The following RARS2 variants were observed in gnomAD, a reference collection of about 807,000 sequenced individuals.
The protein encoded by RARS2 is arginyl-tRNA synthetase 2, mitochondrial, also known as probable arginine--tRNA ligase, mitochondrial.
A neutral mutation model predicts 88.5 loss-of-function variants in RARS2; 67 were observed. The ratio of observed to expected loss-of-function variants is 0.76; its 90% CI spans 0.62 to 0.93. RARS2 has a LOEUF of 0.93. Ranked by LOEUF, RARS2 falls within the 40% of genes least tolerant of loss-of-function variation. The pLI, the probability that RARS2 is intolerant of heterozygous loss-of-function variation, is 0.00. For synonymous variants in RARS2, 239 were observed against 230.3 expected (o/e 1.04, Z -0.34); for missense variants, 664 against 684.2 (o/e 0.97, Z 0.33).
intron 11 of RARS2, among the ~76,000 whole-genome samples, chr6:87,523,837 T>G (rs1205578448): frequency 1.3e-5 from 2 of 152,186 alleles, no homozygotes; most frequent in South Asian, 4.1e-4. Flanking sequence ...TTTTCTAATA[T>G]ATATATTTGC....
intron 8 of RARS2, among the ~76,000 whole-genome samples, chr6:87,532,219 T>C (rs1777753355): frequency 6.6e-6 from 1 of 152,314 alleles, no homozygotes; most frequent in Middle Eastern, 3.4e-3. Flanking sequence ...ATTACCTTTT[T>C]TTTTCCCCCT....
At position 87,528,613 on chromosome 6, in the gene RARS2, T is replaced by C. The variant is rs116711594; in HGVS notation, c.878+929A>G. Among the ~76,000 whole-genome samples, 257 of 152,294 alleles carry C rather than the reference T, an allele frequency of 1.7e-3. 2 individuals carry two copies. Among genetic ancestry groups the C allele is most frequent in the African/African-American group, 5.9e-3 (247 of 41,552 alleles). The stretch of plus-strand genomic sequence containing the variant: ...ACAACATGGATAAACTGAAAGGACA[T>C]TATGCTCAGTGAAATAAACGATGCA... On this transcript the variant is annotated intron_variant, in intron 10 of 19. Transcript: ENST00000369536.
chr6:87,552,537 G>C (rs1784677384), intron 5 of RARS2, among the ~76,000 whole-genome samples: 1 of 152,118 alleles, frequency 6.6e-6, no homozygotes, highest in Non-Finnish European at 1.5e-5. Context: ...AAAAAGCTAA[G>C]AGAGGTAAAT....
At chr6:87,578,821 G>A (rs1029622156) in intron 1 of RARS2, among the ~76,000 whole-genome samples, 4 of 151,886 alleles carry the variant, frequency 2.6e-5, no homozygotes, top group East Asian at 1.9e-4. Flanking sequence ...TTAGCCAGGC[G>A]TGGTGGCTGG....
chr6:87,555,086 G>A (rs2128143426), intron 5 of RARS2, among the ~76,000 whole-genome samples: 1 of 149,022 alleles, frequency 6.7e-6, no homozygotes, highest in Non-Finnish European at 1.5e-5. Flanking sequence ...GCGACAGAGT[G>A]AGACTCCGTC....
intron 4 of RARS2, among the ~76,000 whole-genome samples, chr6:87,562,278 T>C (rs1032906866): frequency 5.3e-5 from 8 of 152,192 alleles, no homozygotes; most frequent in Admixed American, 3.9e-4. Context: ...CTACAGCCTA[T>C]TGCTCCTAGG....
chr6:87,535,527 C>T (rs947464647), intron 8 of RARS2, among the ~76,000 whole-genome samples: 20 of 152,052 alleles, frequency 1.3e-4, no homozygotes, highest in Non-Finnish European at 1.9e-4. Context: ...TAACCCCTCA[C>T]TATTTTTCTT....
At chr6:87,551,527 G>A (rs1249681514) in intron 5 of RARS2, among the ~76,000 whole-genome samples, 4 of 148,806 alleles carry the variant, frequency 2.7e-5, no homozygotes, top group African/African-American at 7.4e-5. Context: ...CTACTGGGGA[G>A]GCTGAGGCAG....
At chr6:87,588,459 G>A (rs1174220253) in intron 1 of RARS2, among the ~76,000 whole-genome samples, 2 of 151,998 alleles carry the variant, frequency 1.3e-5, no homozygotes, top group Non-Finnish European at 1.5e-5. Context: ...CTTCAAACTC[G>A]TGGGTCCGTC....
intron 4 of RARS2, among the ~76,000 whole-genome samples, chr6:87,556,514 C>T (rs1785946731): frequency 1.3e-5 from 2 of 151,866 alleles, no homozygotes; most frequent in South Asian, 4.2e-4. Flanking sequence ...TGGAAGGGCA[C>T]AGTGGATCAC....
chr6:87,564,676 G>A, intron 2 of RARS2: 1 of 261,790 alleles, frequency 3.8e-6, no homozygotes, highest in Non-Finnish European at 7.5e-6. Context: ...TCTCAAAAAA[G>A]TAAATAAAAT....
chr6:87,585,689 G>A (rs905279066), intron 1 of RARS2, among the ~76,000 whole-genome samples: 7 of 152,020 alleles, frequency 4.6e-5, no homozygotes, highest in African/African-American at 1.7e-4. Flanking sequence ...CAGAGATCAC[G>A]CCATTGCACT....
chr6:87,516,975 C>T, intron 17 of RARS2, 95 bp from the exon 18 acceptor site: 1 of 1,551,044 alleles, frequency 6.4e-7, no homozygotes, highest in African/African-American at 1.4e-5. Context: ...GTTGACTCGA[C>T]ACGATTAAGA....
intron 10 of RARS2, among the ~76,000 whole-genome samples, chr6:87,525,781 A>G (rs1775483523): frequency 6.6e-6 from 1 of 152,132 alleles, no homozygotes; most frequent in South Asian, 2.1e-4. Flanking sequence ...TCCTGACCTC[A>G]TGTGATCCGC....
At chr6:87,584,181 T>C (rs1698886447) in intron 1 of RARS2, among the ~76,000 whole-genome samples, 1 of 152,226 alleles carries the variant, frequency 6.6e-6, no homozygotes, top group Admixed American at 6.5e-5. Context: ...ATAGAGGTAT[T>C]ATCTTCACAT....
At chr6:87,526,591 C>G (rs1775796387) in intron 10 of RARS2, among the ~76,000 whole-genome samples, 1 of 123,960 alleles carries the variant, frequency 8.1e-6, no homozygotes, top group Admixed American at 8.6e-5. Context: ...ATCAAAACAG[C>G]ATCATACTAG....
chr6:87,577,018 AGTT>A lies in RARS2; in HGVS notation c.37-7431_37-7429del, dbSNP rs906874222. Among the ~76,000 whole-genome samples the A allele has an allele frequency of 3.3e-5, 5 of 152,358 alleles. No individual in the cohort carries two copies. In the East Asian group the frequency reaches 7.7e-4, roughly 23 times the overall value. ...GCAAAGTAGTGTGTTTCACCTGCTC[AGTT>A]GTTGTTTTTTAATTTGAATTAATTG... On this transcript the variant is annotated intron_variant, in intron 1 of 19. Coordinates refer to ENST00000369536, the MANE Select transcript of RARS2 (RefSeq NM_020320.5).
rs547656343 is a variant in RARS2, at chr6:87,541,808, A to G, written c.612+110T>C. 6.2e-6 allele frequency: 5 copies of G among 811,292 alleles called. No individual in the cohort carries two copies. In the East Asian group the frequency reaches 1.2e-4, roughly 20 times the overall value. The allele number at this position is 811,292 out of a possible 1,614,324, so 50.3% of individuals were successfully genotyped here. A position where few individuals can be genotyped will look rare whatever the true frequency, so the allele number is the denominator to read the frequency against. ...CACTGCACTCCAGCCTGGGCAACAG[A>G]GCGAGACCCTGTCTCAAAATAAAGA... On this transcript the variant is annotated intron_variant, in intron 8 of 19. Transcript: ENST00000369536.
chr6:87,578,107 AC>A (rs796269641), intron 1 of RARS2, among the ~76,000 whole-genome samples: 3,080 of 133,356 alleles, frequency 0.023, 94 homozygotes, highest in African/African-American at 0.075. Flanking sequence ...ACATAGCGAG[AC>A]CCCCCCCCCC....
Sources: gnomAD v4.1 joint callset for allele counts (sites outside exome capture counted in the v4.1 genomes callset) on GRCh38, gnomAD v4.1.1 for gene constraint, MANE v1.5 for transcripts, NCBI Gene and HGNC (gene_info 2026-07-23, HGNC 2026-07-21) for gene names.